SYN3: variants seen among roughly 807,000 people sequenced by gnomAD.
SYN3 encodes the protein synapsin III.
SYN3 carries 35 observed loss-of-function variants against 65.8 expected under a neutral mutation model. The observed-to-expected ratio is 0.53, with a 90% CI of 0.41 to 0.70. The LOEUF is 0.70. SYN3 is among the 30% of genes least tolerant of loss of function. The probability of loss-of-function intolerance (pLI) is 0.00; values close to 1 mark genes in which losing one functional copy is unlikely to be tolerated. For synonymous variants in SYN3, 270 were observed against 292.9 expected (o/e 0.92, Z 0.80); for missense variants, 680 against 749.0 (o/e 0.91, Z 1.08).
chr22:32,904,707 G>C (rs1172897665), intron 4 of SYN3, among the ~76,000 whole-genome samples: 1 of 152,052 alleles, frequency 6.6e-6, no homozygotes, highest in African/African-American at 2.4e-5. Context: ...ACAAGTAATG[G>C]GACAGTTTCT....
At chr22:32,974,097 C>A (rs2052106263) in intron 3 of SYN3, among the ~76,000 whole-genome samples, 1 of 152,170 alleles carries the variant, frequency 6.6e-6, no homozygotes, top group African/African-American at 2.4e-5. Flanking sequence ...CTCAAAGTAC[C>A]CATCTTAAAG....
At position 32,935,565 on chromosome 22, in the gene SYN3, C is replaced by T. The variant is rs545610291; in HGVS notation, c.370-4084G>A. ...TCCCAGGTTCAAGCAATTCTCCTGC[C>T]TCAGCCTCCTAAGCAGCTGAGATCA... On this transcript the variant is annotated intron_variant, in intron 3 of 13. Transcript: ENST00000358763. Among the ~76,000 whole-genome samples, 5 of 151,942 alleles carry T rather than the reference C, an allele frequency of 3.3e-5. No homozygotes were observed. In the East Asian group the frequency reaches 5.8e-4, roughly 18 times the overall value.
chr22:32,764,782 AG>A (rs1487073648), intron 6 of SYN3, among the ~76,000 whole-genome samples: 3 of 152,340 alleles, frequency 2.0e-5, no homozygotes, highest in Admixed American at 2.0e-4. Context: ...CAGCCCCTTC[AG>A]CAGGTTGAAG....
chr22:32,725,233 G>A (rs976436382), intron 6 of SYN3, among the ~76,000 whole-genome samples: 1 of 151,924 alleles, frequency 6.6e-6, no homozygotes, highest in Non-Finnish European at 1.5e-5. Flanking sequence ...GGTTTTTTTT[G>A]CTACTTTGGA....
intron 6 of SYN3, among the ~76,000 whole-genome samples, chr22:32,688,609 T>C (rs1195716507): frequency 6.6e-6 from 1 of 152,148 alleles, no homozygotes; most frequent in Non-Finnish European, 1.5e-5. Flanking sequence ...GCTTGGATGG[T>C]AGCCCATGCT....
chr22:32,618,825 C>A (rs1601772453), intron 6 of SYN3, among the ~76,000 whole-genome samples: 1 of 152,192 alleles, frequency 6.6e-6, no homozygotes, highest in Admixed American at 6.5e-5. Context: ...TGGGCCACAG[C>A]TCCTTAAGCT....
At chr22:32,920,725 CTGCCCTGCTCTGAGCTACAGGAGA>C (rs1406477147) in intron 4 of SYN3, among the ~76,000 whole-genome samples, 1 of 152,166 alleles carries the variant, frequency 6.6e-6, no homozygotes, top group African/African-American at 2.4e-5. Flanking sequence ...CCACTCTTCT[CTGCCCTGCTCTGAGCTACAGGAGA>C]TGGGTCCCTG....
intron 3 of SYN3, among the ~76,000 whole-genome samples, chr22:32,936,009 G>A (rs941955550): frequency 1.3e-5 from 2 of 152,176 alleles, no homozygotes; most frequent in Non-Finnish European, 2.9e-5. Flanking sequence ...GTAAATAGTT[G>A]CCATTATTAT....
chr22:32,851,156 T>G (rs553942631), intron 6 of SYN3, among the ~76,000 whole-genome samples: 3 of 152,192 alleles, frequency 2.0e-5, no homozygotes, highest in South Asian at 4.2e-4. Flanking sequence ...AAAAGCCCAC[T>G]TTGCAACCTC....
intron 5 of SYN3, among the ~76,000 whole-genome samples, chr22:32,867,831 T>C (rs913231101): frequency 6.6e-6 from 1 of 152,156 alleles, no homozygotes; most frequent in African/African-American, 2.4e-5. Context: ...TACACCCGCC[T>C]CGGCCTCCCA....
intron 10 of SYN3, among the ~76,000 whole-genome samples, chr22:32,532,701 C>T (rs2058097141): frequency 6.6e-6 from 1 of 152,142 alleles, no homozygotes; most frequent in Admixed American, 6.5e-5. Context: ...TGGCCGTGGG[C>T]CCCTGGGGAG....
chr22:32,664,837 G>A (rs1287640252), intron 6 of SYN3, among the ~76,000 whole-genome samples: 7 of 150,830 alleles, frequency 4.6e-5, no homozygotes, highest in African/African-American at 7.3e-5. Flanking sequence ...TAATCTGCCC[G>A]CCTCGGCCTC....
rs12484398 is a variant in SYN3 at position 32,646,522 on chromosome 22, C to T, written c.712-49786G>A. ...TATTTACACCTGAGTTTTAAACATCCGGCTAGCGCTTCTTTGTGCTAGATC... is the reference window on the plus strand; with the variant it reads ...TATTTACACCTGAGTTTTAAACATCTGGCTAGCGCTTCTTTGTGCTAGATC... On this transcript the variant is annotated intron_variant, in intron 6 of 13. Coordinates refer to ENST00000358763, the MANE Select transcript of SYN3 (RefSeq NM_003490.4). 4.7e-3 allele frequency among the ~76,000 whole-genome samples: 711 copies of T among 152,280 alleles called. 13 individuals are homozygous for T. The highest frequency in any genetic ancestry group is 0.027 in the Admixed American group (416 of 15,300).
At chr22:32,990,513 T>A (rs1457461103) in intron 2 of SYN3, among the ~76,000 whole-genome samples, 3 of 151,948 alleles carry the variant, frequency 2.0e-5, no homozygotes, top group Non-Finnish European at 4.4e-5. Flanking sequence ...TCCATCCACA[T>A]ATCCATCCAT....
At position 33,036,678 on chromosome 22, in the gene SYN3, C is replaced by CTTTTT. The variant is rs133977; in HGVS notation, c.-163+21609_-163+21613dup. On this transcript the variant is annotated intron_variant, in intron 1 of 13. Transcript: ENST00000358763. ...TTTTAAATGCTGTAAAGCCCAAGTT[C>CTTTTT]TTTTTTTTTTTTTTTTTTTTTTTTT... Among the ~76,000 whole-genome samples, 63 of 99,528 alleles carry CTTTTT rather than the reference C, an allele frequency of 6.3e-4. 1 individual carries two copies. The highest frequency in any genetic ancestry group is 1.8e-3 in the African/African-American group (38 of 21,324). 65.3% of individuals were successfully genotyped at this position (99,528 alleles called of 152,430 possible). A position where few individuals can be genotyped will look rare whatever the true frequency, so the allele number is the denominator to read the frequency against.
At chr22:32,626,077 C>T (rs748310151) in intron 6 of SYN3, among the ~76,000 whole-genome samples, 7 of 152,022 alleles carry the variant, frequency 4.6e-5, no homozygotes, top group South Asian at 2.1e-4. Context: ...TTGAAATGAC[C>T]GTGAAAGGAA....
chr22:32,928,827 C>T (rs1377938025), intron 4 of SYN3, among the ~76,000 whole-genome samples: 1 of 152,196 alleles, frequency 6.6e-6, no homozygotes, highest in Non-Finnish European at 1.5e-5. Context: ...AACAGTCTTT[C>T]CTGCACCTCC....
intron 7 of SYN3, among the ~76,000 whole-genome samples, chr22:32,567,358 T>TTTCCTTCCTTCC (rs3070481): frequency 9.2e-6 from 1 of 108,192 alleles, no homozygotes; most frequent in South Asian, 3.3e-4. Context: ...CCCTCCCTTC[T>TTTCCTTCCTTCC]TTCCTTCCTT....
intron 6 of SYN3, among the ~76,000 whole-genome samples, chr22:32,637,083 C>A (rs578167736): frequency 6.6e-6 from 1 of 152,140 alleles, no homozygotes; most frequent in South Asian, 2.1e-4. Flanking sequence ...AAAAATGAAT[C>A]TTTACTGAAT....
Sources: allele counts gnomAD v4.1 joint callset (sites outside exome capture counted in the v4.1 genomes callset), GRCh38; gene constraint gnomAD v4.1.1; transcripts MANE v1.5; gene names NCBI Gene and HGNC (gene_info 2026-07-23, HGNC 2026-07-21).